CLINT1: variants seen among roughly 807,000 people sequenced by gnomAD.
CLINT1 encodes clathrin interactor 1.
A neutral mutation model predicts 70.4 loss-of-function variants in CLINT1; 15 were observed. The ratio of observed to expected loss-of-function variants is 0.21; its 90% confidence interval spans 0.14 to 0.33. The LOEUF (loss-of-function observed/expected upper bound fraction) is 0.33, where lower values mean the gene tolerates loss of function less well. CLINT1 is among the 10% of genes least tolerant of loss of function. CLINT1 has a pLI of 1.00. For missense variants in CLINT1, 615 were observed against 778.1 expected (o/e 0.79, Z 2.49); for synonymous variants, 227 against 254.7 (o/e 0.89, Z 1.04).
intron 1 of CLINT1, among the ~76,000 whole-genome samples, chr5:157,853,849 G>A (rs1408016081): frequency 7.9e-6 from 1 of 126,100 alleles, no homozygotes; most frequent in African/African-American, 3.0e-5. Context: ...GAAAACATAA[G>A]AGGCAGTTAA....
At chr5:157,837,937 C>T (rs1354950355) in intron 1 of CLINT1, among the ~76,000 whole-genome samples, 1 of 151,976 alleles carries the variant, frequency 6.6e-6, no homozygotes. Context: ...GTAATCCCAG[C>T]CATCGCACAA....
chr5:157,801,140 A>T (rs1464711282), intron 8 of CLINT1, among the ~76,000 whole-genome samples: 3 of 152,242 alleles, frequency 2.0e-5, no homozygotes, highest in African/African-American at 4.8e-5. Flanking sequence ...ATTACAGTCC[A>T]ATCAAGTTTA....
chr5:157,816,854 G>C, intron 2 of CLINT1, 24 bp from the exon 3 acceptor site: 2 of 1,529,842 alleles, frequency 1.3e-6, no homozygotes, highest in Non-Finnish European at 1.8e-6. Flanking sequence ...CATTCTTTAA[G>C]AGTCTGCAAT....
intron 7 of CLINT1, 51 bp downstream of exon 7, chr5:157,805,815 G>C: frequency 6.2e-7 from 1 of 1,601,848 alleles, no homozygotes; most frequent in Non-Finnish European, 8.5e-7. Context: ...TTCGAAGAGC[G>C]GTTTATAAAA....
In CLINT1 at chr5:157,814,168, G is replaced by A. The variant is rs1366456276; in HGVS notation, c.352+17C>T. The A allele has an allele frequency of 2.0e-6, 3 of 1,530,410 alleles. No individual in the cohort carries two copies. The highest frequency in any genetic ancestry group is 2.7e-6 in the Non-Finnish European group (3 of 1,111,686). 94.8% of individuals were successfully genotyped at this position (1,530,410 alleles called of 1,614,324 possible). Reference sequence around the variant, plus strand: ...ACTACTGTTTTAATTTGCTTATAAGGTTTTTCTATTGCTTACCTACAAAGT... The same window carrying A: ...ACTACTGTTTTAATTTGCTTATAAGATTTTTCTATTGCTTACCTACAAAGT... On this transcript the variant is annotated intron_variant, in intron 4 of 11. Coordinates refer to ENST00000411809, the MANE Select transcript of CLINT1 (RefSeq NM_014666.4).
At chr5:157,798,888 T>A (rs1762137354) in intron 8 of CLINT1, among the ~76,000 whole-genome samples, 1 of 152,024 alleles carries the variant, frequency 6.6e-6, no homozygotes, top group African/African-American at 2.4e-5. Context: ...CAATGTAAGA[T>A]TATAAAGCAA....
intron 8 of CLINT1, among the ~76,000 whole-genome samples, chr5:157,802,671 G>A (rs1357457865): frequency 6.6e-6 from 1 of 151,438 alleles, no homozygotes; most frequent in Non-Finnish European, 1.5e-5. Flanking sequence ...TCAGCCTCCC[G>A]AGTAGCTGGG....
chr5:157,799,907 A>G (rs1426983436), intron 8 of CLINT1, among the ~76,000 whole-genome samples: 1 of 152,158 alleles, frequency 6.6e-6, no homozygotes, highest in Non-Finnish European at 1.5e-5. Context: ...AAGTGTTTGT[A>G]TATCTAAACA....
chr5:157,853,388 A>G (rs1186996), intron 1 of CLINT1, among the ~76,000 whole-genome samples: 20,554 of 152,026 alleles, frequency 0.14, 1,844 homozygotes, highest in African/African-American at 0.25. Flanking sequence ...ACTCAACTGT[A>G]GAGCCATATT....
chr5:157,815,518 A>G lies in CLINT1; in HGVS notation c.243+1216T>C, dbSNP rs193135294. ...TGGAACAAACCTCACTTGATCAGGT[A>G]TATGAAAATCTAGTTAGGCGGAAAG... On this transcript the variant is annotated intron_variant, in intron 3 of 11. Transcript: ENST00000411809. Among the ~76,000 whole-genome samples the G allele has an allele frequency of 1.8e-4, 27 of 152,324 alleles. 1 individual carries two copies. The East Asian group carries it at 4.6e-3, about 26-fold the overall frequency.
At chr5:157,825,457 G>A (rs2113243938) in intron 1 of CLINT1, among the ~76,000 whole-genome samples, 1 of 152,188 alleles carries the variant, frequency 6.6e-6, no homozygotes, top group Admixed American at 6.5e-5. Flanking sequence ...TTACTACCAG[G>A]CTTTGAAGGA....
Position 157,814,204 on chromosome 5 carries a change from C to G in CLINT1, c.333G>C (p.Leu111=). 1.2e-6 allele frequency: 2 copies of G among 1,607,654 alleles called. No individual in the cohort carries two copies. The highest frequency in any genetic ancestry group is 1.7e-6 in the Non-Finnish European group (2 of 1,176,642). The change falls in exon 4 of 12, where the codon CTG becomes CTC. Residue 111 remains leucine, a synonymous_variant. Transcript: ENST00000411809. ...GCTTACCTACAAAGTGGTAATTTTC[C>G]AGGGATCGTAAATCATAAATGTGTT... The part of the protein sequence containing the change: ...AREHIYDLRS[L]ENYHFVDEHG...
intron 1 of CLINT1, among the ~76,000 whole-genome samples, chr5:157,821,107 T>C (rs1175140493): frequency 6.6e-6 from 1 of 152,186 alleles, no homozygotes; most frequent in Non-Finnish European, 1.5e-5. Flanking sequence ...ATTATGACCT[T>C]CTGTTGAAGG....
At position 157,809,841 on chromosome 5, in the gene CLINT1, G is replaced by A. The variant is rs113249098; in HGVS notation, c.518-36C>T. The stretch of plus-strand genomic sequence containing the variant: ...CATTAAAAAAAGAAGCAATTCTAAC[G>A]ACATTAAATTCAAAAGGTATCTACA... On this transcript the variant is annotated intron_variant, in intron 5 of 11. Coordinates refer to ENST00000411809, the MANE Select transcript of CLINT1 (RefSeq NM_014666.4). The A allele has an allele frequency of 2.3e-3, 3,604 of 1,573,322 alleles. 67 individuals are homozygous for A. In the African/African-American group the frequency reaches 0.043, roughly 19 times the overall value.
intron 1 of CLINT1, among the ~76,000 whole-genome samples, chr5:157,830,223 C>A (rs988268139): frequency 6.6e-6 from 1 of 152,224 alleles, no homozygotes; most frequent in African/African-American, 2.4e-5. Flanking sequence ...GCTGGGATTA[C>A]AGGCATCATC....
intron 1 of CLINT1, 107 bp downstream of exon 1, chr5:157,858,823 A>G: frequency 1.6e-6 from 2 of 1,215,916 alleles, no homozygotes; most frequent in Non-Finnish European, 2.3e-6. Flanking sequence ...TGGGGCTGGC[A>G]GAGCCAGGGG....
chr5:157,843,504 C>G (rs1477475272), intron 1 of CLINT1, among the ~76,000 whole-genome samples: 1 of 152,204 alleles, frequency 6.6e-6, no homozygotes, highest in Non-Finnish European at 1.5e-5. Context: ...ATTTAATTCT[C>G]TTAACAGACC....
chr5:157,831,047 A>C (rs533898546), intron 1 of CLINT1, among the ~76,000 whole-genome samples: 6 of 151,522 alleles, frequency 4.0e-5, no homozygotes, highest in African/African-American at 1.2e-4. Context: ...CTGTCTCAAA[A>C]AAACAAACAA....
intron 1 of CLINT1, among the ~76,000 whole-genome samples, chr5:157,849,902 G>A (rs1356865052): frequency 6.6e-6 from 1 of 152,194 alleles, no homozygotes; most frequent in Admixed American, 6.5e-5. Context: ...TGTTCTAAGA[G>A]TTAGTAATAC....
Sources: allele counts gnomAD v4.1 joint callset (sites outside exome capture counted in the v4.1 genomes callset), GRCh38; gene constraint gnomAD v4.1.1; transcripts MANE v1.5; gene names NCBI Gene and HGNC (gene_info 2026-07-23, HGNC 2026-07-21).